The following TP73 variants were observed in gnomAD, a reference collection of about 807,000 sequenced individuals.
TP73 encodes the protein p53-like transcription factor.
TP73 carries 25 observed loss-of-function variants against 62.5 expected under a neutral mutation model. That is an observed-to-expected ratio of 0.40 (90% CI 0.29 to 0.56). TP73 has a LOEUF of 0.56. Among genes scored for constraint, TP73 ranks in the 20% least tolerant of loss-of-function variants. TP73 has a pLI of 0.46. For synonymous variants in TP73, 423 were observed against 377.5 expected (o/e 1.12, Z -1.40); for missense variants, 754 against 913.3 (o/e 0.83, Z 2.25).
rs140793372 is a variant in TP73, at chr1:3,655,362, G to A, written c.-34+2721G>A. 5.7e-3 allele frequency among the ~76,000 whole-genome samples: 866 copies of A among 152,264 alleles called. 12 individuals are homozygous for A. The highest frequency in any genetic ancestry group is 0.02 in the African/African-American group (813 of 41,546). On this transcript the variant is annotated intron_variant, in intron 1 of 13. Coordinates refer to ENST00000378295, the MANE Select transcript of TP73 (RefSeq NM_005427.4). ...AGATCACCCCACTGCACTCCAGCCC[G>A]GGCAACAGAGCGAGACTCTGTCTCA...
chr1:3,712,612 G>A (rs1300090820), intron 4 of TP73, among the ~76,000 whole-genome samples: 1 of 152,212 alleles, frequency 6.6e-6, no homozygotes, highest in Non-Finnish European at 1.5e-5. Context: ...TGTTGGGGGA[G>A]AGGCATGATC....
intron 5 of TP73, 138 bp from the exon 6 acceptor site, chr1:3,723,216 C>T (rs980869602): frequency 3.9e-5 from 26 of 665,604 alleles, no homozygotes; most frequent in Admixed American, 9.3e-5. Context: ...GAACCTGGCA[C>T]GGGGCTGGGT....
rs1639207674 is a variant in TP73 at position 3,701,969 on chromosome 1, C to T, written c.187-5580C>T. 6.6e-6 allele frequency among the ~76,000 whole-genome samples: 1 copy of T among 152,138 alleles called. No individual in the cohort carries two copies. The highest frequency in any genetic ancestry group is 1.5e-5 in the Non-Finnish European group (1 of 68,034). On this transcript the variant is annotated intron_variant, in intron 3 of 13. Transcript: ENST00000378295. The surrounding 1 kb of genome is among the most constrained non-coding windows in gnomAD (Gnocchi z 4.7). ...CCAGGTCCCTGGGAGGTCTCTCCTGCCCCTCTCCTGGATGGGCAGAGAGGC... is the reference window on the plus strand; with the variant it reads ...CCAGGTCCCTGGGAGGTCTCTCCTGTCCCTCTCCTGGATGGGCAGAGAGGC...
At chr1:3,710,970 G>C (rs1007677713) in intron 4 of TP73, among the ~76,000 whole-genome samples, 1 of 152,202 alleles carries the variant, frequency 6.6e-6, no homozygotes, top group African/African-American at 2.4e-5. Flanking sequence ...GTTTAGCCAC[G>C]AGAGTGTAAC....
chr1:3,679,955 GTCTC>G, intron 1 of TP73, among the ~76,000 whole-genome samples: 1 of 140,348 alleles, frequency 7.1e-6, no homozygotes, highest in Non-Finnish European at 1.5e-5. Context: ...GTCTCTCTTT[GTCTC>G]TCTCTTTGTC....
Position 3,717,774 on chromosome 1 carries a change from C to T in TP73, c.430-4247C>T, listed in dbSNP as rs546539565. On this transcript the variant is annotated intron_variant, in intron 4 of 13. Coordinates refer to ENST00000378295, the MANE Select transcript of TP73 (RefSeq NM_005427.4). ...CTCAGGGCTCCCTTCCCTCCTGTGG[C>T]CACCTGTGTCACCCACCCCCAGATG... Among the ~76,000 whole-genome samples the T allele has an allele frequency of 2.6e-5, 4 of 152,218 alleles. No individual in the cohort carries two copies. In the South Asian group the frequency reaches 8.3e-4, roughly 32 times the overall value.
intron 3 of TP73, chr1:3,691,001 T>C: frequency 1.3e-6 from 2 of 1,553,472 alleles, no homozygotes; most frequent in Non-Finnish European, 1.7e-6. Flanking sequence ...GGGATTTTGC[T>C]GCAGTGTAGG....
chr1:3,718,025 G>T (rs1305667123), intron 4 of TP73, among the ~76,000 whole-genome samples: 2 of 152,214 alleles, frequency 1.3e-5, no homozygotes, highest in Admixed American at 6.5e-5. Flanking sequence ...ATCGCCTGAG[G>T]ACAGGGGCCT....
intron 4 of TP73, among the ~76,000 whole-genome samples, chr1:3,717,090 C>A (rs1438260206): frequency 6.6e-6 from 1 of 152,256 alleles, no homozygotes; most frequent in African/African-American, 2.4e-5. Context: ...ACGGTATTTG[C>A]GGTTTGCAAG....
At chr1:3,684,145 G>A (rs1456755442) in intron 3 of TP73, among the ~76,000 whole-genome samples, 2 of 152,240 alleles carry the variant, frequency 1.3e-5, no homozygotes, top group Non-Finnish European at 2.9e-5. Context: ...CAAAGATCCC[G>A]ACCTGGGAGG....
chr1:3,712,582 C>A (rs1252109275), intron 4 of TP73: 1 of 152,242 alleles, frequency 6.6e-6, no homozygotes, highest in Non-Finnish European at 1.5e-5. Context: ...GGACAGGATT[C>A]CCTTCCATAG....
At chr1:3,667,060 T>C (rs1211778008) in intron 1 of TP73, among the ~76,000 whole-genome samples, 18 of 152,106 alleles carry the variant, frequency 1.2e-4, no homozygotes, top group Admixed American at 1.2e-3. Context: ...GAGCTGATGA[T>C]GGAGGCAGAG....
At chr1:3,702,021 GCAT>G (rs1289917300) in intron 3 of TP73, among the ~76,000 whole-genome samples, 1 of 152,174 alleles carries the variant, frequency 6.6e-6, no homozygotes, top group Non-Finnish European at 1.5e-5. Flanking sequence ...TGGCGTAGGG[GCAT>G]CAGTAGACCC....
intron 3 of TP73, among the ~76,000 whole-genome samples, chr1:3,687,033 G>T (rs1234462648): frequency 6.6e-6 from 1 of 152,182 alleles, no homozygotes; most frequent in Non-Finnish European, 1.5e-5. Flanking sequence ...AGAGCCAGGA[G>T]GGCCTAGGAT....
In TP73 at chr1:3,732,807, G is replaced by T. The variant is rs1396501944; in HGVS notation, c.1639G>T (p.Asp547Tyr). The T allele has an allele frequency of 1.2e-6, 2 of 1,607,586 alleles. No homozygotes were observed. Among genetic ancestry groups the T allele is most frequent in the Non-Finnish European group, 1.7e-6 (2 of 1,176,140 alleles). ...CATGACCATCTGGCGGGGCCTGCAG[G>T]ACCTGAAGCAGGGCCACGACTACAG... ...YRMTIWRGLQ[D>Y]LKQGHDYSTA... Residue 547 changes from aspartate to tyrosine, a missense_variant, in exon 14 of 14, where the codon GAC becomes TAC. By Grantham distance (160) the Asp-to-Tyr change is radical. Around this residue, in one of 3 missense-constraint regions of TP73, gnomAD observed 458 missense variants for 528.7 expected, o/e 0.87. Transcript: ENST00000378295.
chr1:3,669,276 T>A (rs2102039933), intron 1 of TP73, among the ~76,000 whole-genome samples: 1 of 152,272 alleles, frequency 6.6e-6, no homozygotes, highest in South Asian at 2.1e-4. Flanking sequence ...AGAGAGCCCC[T>A]CTACGGCCTC....
At chr1:3,722,966 CAGGG>C in intron 5 of TP73, among the ~76,000 whole-genome samples, 1 of 143,888 alleles carries the variant, frequency 6.9e-6, no homozygotes, top group African/African-American at 2.6e-5. Flanking sequence ...GTGCCTGGCA[CAGGG>C]CTGGGCACCT....
chr1:3,702,370 T>C (rs926822938), intron 3 of TP73, among the ~76,000 whole-genome samples: 1 of 152,202 alleles, frequency 6.6e-6, no homozygotes, highest in East Asian at 1.9e-4. Flanking sequence ...CCCAGGGGCA[T>C]GGGTGGATCA....
At chr1:3,717,290 G>C (rs1282602396) in intron 4 of TP73, among the ~76,000 whole-genome samples, 2 of 152,084 alleles carry the variant, frequency 1.3e-5, no homozygotes, top group Non-Finnish European at 2.9e-5. Flanking sequence ...AGGGCTCCCA[G>C]CCAGGCCGGG....
Sources: gnomAD v4.1 joint callset for allele counts (sites outside exome capture counted in the v4.1 genomes callset) on GRCh38, gnomAD v4.1.1 for gene constraint, gnomAD v4.1.1 regional missense constraint, Gnocchi (gnomAD v3.1) non-coding constraint, MANE v1.5 for transcripts, NCBI Gene and HGNC (gene_info 2026-07-23, HGNC 2026-07-21) for gene names.